The following TANGO6 variants were observed in gnomAD, a reference collection of about 807,000 sequenced individuals.
The protein encoded by TANGO6 is transport and Golgi organization protein 6 homolog.
Under a neutral mutation model 114.2 loss-of-function variants are expected in TANGO6, and 90 were observed. The ratio of observed to expected loss-of-function variants is 0.79; its 90% CI spans 0.66 to 0.94. The LOEUF (loss-of-function observed/expected upper bound fraction) is 0.94, where lower values mean the gene tolerates loss of function less well. Among genes scored for constraint, TANGO6 ranks in the 40% least tolerant of loss-of-function variants. The pLI is 0.00. For missense variants in TANGO6, 1,274 were observed against 1,315.3 expected, an observed-to-expected ratio of 0.97 and a Z score of 0.49; for synonymous variants, 477 against 509.8, an observed-to-expected ratio of 0.94 and a Z score of 0.87.
At chr16:68,879,454 A>G (rs1891035272) in intron 6 of TANGO6, among the ~76,000 whole-genome samples, 1 of 152,156 alleles carries the variant, frequency 6.6e-6, no homozygotes, top group African/African-American at 2.4e-5. Flanking sequence ...TCCACTCCAG[A>G]GCCTGGGTTA....
At chr16:68,998,465 C>T (rs1348053797) in intron 15 of TANGO6, among the ~76,000 whole-genome samples, 1 of 152,164 alleles carries the variant, frequency 6.6e-6, no homozygotes, top group Non-Finnish European at 1.5e-5. Flanking sequence ...GGCACGGTGG[C>T]TCATGCCTGT....
At chr16:68,874,928 T>C (rs1360520380) in intron 4 of TANGO6, among the ~76,000 whole-genome samples, 1 of 151,762 alleles carries the variant, frequency 6.6e-6, no homozygotes, top group African/African-American at 2.4e-5. Context: ...CCAGCCTGGG[T>C]GACAGAACAA....
intron 14 of TANGO6, among the ~76,000 whole-genome samples, chr16:68,951,083 G>A (rs192528775): frequency 2.6e-5 from 4 of 152,110 alleles, no homozygotes; most frequent in Admixed American, 6.6e-5. Flanking sequence ...CAGCACTTTG[G>A]GAGGTCGATG....
chr16:69,080,921 G>C (rs1167548190), intron 17 of TANGO6, among the ~76,000 whole-genome samples: 1 of 152,136 alleles, frequency 6.6e-6, no homozygotes, highest in African/African-American at 2.4e-5. Flanking sequence ...GGCAGATCAT[G>C]AGGTCAGGAG....
intron 16 of TANGO6, among the ~76,000 whole-genome samples, chr16:69,038,294 G>T (rs1052509675): frequency 2.0e-5 from 3 of 152,044 alleles, no homozygotes; most frequent in Non-Finnish European, 4.4e-5. Context: ...ACCGGGCATG[G>T]TGACACGCGC....
chr16:68,964,817 A>G (rs1404697969), intron 14 of TANGO6, among the ~76,000 whole-genome samples: 1 of 151,602 alleles, frequency 6.6e-6, no homozygotes, highest in Non-Finnish European at 1.5e-5. Context: ...TCTTTCACCC[A>G]CCTCAGCTTC....
intron 17 of TANGO6, among the ~76,000 whole-genome samples, chr16:69,052,924 C>T (rs567340575): frequency 1.3e-5 from 2 of 152,240 alleles, no homozygotes; most frequent in Admixed American, 1.3e-4. Context: ...GCCTGGCCAA[C>T]ACGGAGAAAC....
chr16:68,899,312 A>G (rs1480399056), intron 7 of TANGO6, among the ~76,000 whole-genome samples: 1 of 152,040 alleles, frequency 6.6e-6, no homozygotes, highest in African/African-American at 2.4e-5. Flanking sequence ...CTTCCCATAT[A>G]TCACAAGCAA....
chr16:68,992,131 A>C lies in TANGO6; in HGVS notation c.2842+17963A>C, dbSNP rs1963951480. Among the ~76,000 whole-genome samples the C allele has an allele frequency of 2.6e-5, 4 of 152,200 alleles. 1 individual carries two copies. The highest frequency in any genetic ancestry group is 2.6e-4 in the Admixed American group (4 of 15,272). ...TAAATATATGAGTATCATCACAGAG[A>C]TCTATTTATCACTATATTTAGTCTT... On this transcript the variant is annotated intron_variant, in intron 15 of 17. Coordinates refer to ENST00000261778, the MANE Select transcript of TANGO6 (RefSeq NM_024562.2).
At chr16:68,985,561 A>C (rs1228870726) in intron 15 of TANGO6, among the ~76,000 whole-genome samples, 1 of 152,086 alleles carries the variant, frequency 6.6e-6, no homozygotes, top group Admixed American at 6.6e-5. Context: ...AAATACAAAA[A>C]TTAGCTGGGG....
chr16:69,048,391 T>G (rs937440987), intron 17 of TANGO6, among the ~76,000 whole-genome samples: 2 of 150,630 alleles, frequency 1.3e-5, no homozygotes, highest in African/African-American at 4.9e-5. Flanking sequence ...CGTGAACCAC[T>G]GTGCCCTGCC....
intron 14 of TANGO6, 60 bp downstream of exon 14, chr16:68,930,355 T>C: frequency 7.0e-7 from 1 of 1,432,728 alleles, no homozygotes; most frequent in Non-Finnish European, 9.6e-7. Flanking sequence ...ATCATGTTTA[T>C]TTGCACAAAA....
intron 17 of TANGO6, 134 bp from the exon 18 acceptor site, chr16:69,083,351 A>C (rs1450192559): frequency 1.7e-6 from 2 of 1,161,970 alleles, no homozygotes; most frequent in Admixed American, 2.8e-5. Flanking sequence ...GAGCCACTGC[A>C]CCCAGCCACA....
At chr16:68,878,316 A>G (rs989933192) in intron 6 of TANGO6, 36 bp downstream of exon 6, 34 of 1,564,252 alleles carry the variant, frequency 2.2e-5, no homozygotes, top group Non-Finnish European at 2.7e-5. Context: ...GTGTGCCTCT[A>G]AAGGACCTTC....
intron 4 of TANGO6, among the ~76,000 whole-genome samples, chr16:68,868,144 CAAA>C (rs5817657): frequency 1.0e-4 from 11 of 108,302 alleles, no homozygotes; most frequent in Admixed American, 1.9e-4. Flanking sequence ...GACCTTGTCT[CAAA>C]AAAAAAAAAA....
chr16:68,919,070 C>A lies in TANGO6; in HGVS notation c.1993-15C>A. 6.3e-7 allele frequency: 1 copy of A among 1,596,900 alleles called. No homozygotes were observed. Among genetic ancestry groups the A allele is most frequent in the Non-Finnish European group, 8.5e-7 (1 of 1,171,150 alleles). ...TTTCATTCCTCATTGATTCTCAATT[C>A]CCTTTTTTGGGTAGGTGGTGGACTT... On this transcript the variant is annotated splice_polypyrimidine_tract_variant and intron_variant, in intron 11 of 17. Transcript: ENST00000261778.
chr16:69,075,420 C>T (rs1339205202), intron 17 of TANGO6, among the ~76,000 whole-genome samples: 2 of 151,766 alleles, frequency 1.3e-5, no homozygotes, highest in African/African-American at 4.8e-5. Flanking sequence ...CTTAGCAGAA[C>T]AGTAGAAACT....
chr16:68,869,046 G>A (rs529375681), intron 4 of TANGO6, among the ~76,000 whole-genome samples: 15 of 152,146 alleles, frequency 9.9e-5, no homozygotes, highest in African/African-American at 3.6e-4. Flanking sequence ...TGTATATTAT[G>A]ATTACTTTCT....
chr16:68,868,010 G>A (rs1285767470), intron 4 of TANGO6: 1 of 151,546 alleles, frequency 6.6e-6, no homozygotes, highest in African/African-American at 2.4e-5. Flanking sequence ...CAGGTATGGT[G>A]GTGCCCGCCT....
Sources: gnomAD v4.1 joint callset for allele counts (sites outside exome capture counted in the v4.1 genomes callset) on GRCh38, gnomAD v4.1.1 for gene constraint, MANE v1.5 for transcripts, NCBI Gene and HGNC (gene_info 2026-07-23, HGNC 2026-07-21) for gene names.